The following LIPA variants were observed in gnomAD, a reference collection of about 807,000 sequenced individuals.
LIPA encodes lysosomal acid lipase/cholesteryl ester hydrolase.
A neutral mutation model predicts 40.6 loss-of-function variants in LIPA; 26 were observed. That is an observed-to-expected ratio of 0.64 (90% CI 0.47 to 0.89). LIPA has a LOEUF of 0.89. LIPA is among the 40% of genes least tolerant of loss of function. The probability of loss-of-function intolerance (pLI) is 0.00; values close to 1 mark genes in which losing one functional copy is unlikely to be tolerated. For missense variants in LIPA, 455 were observed against 479.6 expected (o/e 0.95, Z 0.48); for synonymous variants, 188 against 168.4 (o/e 1.12, Z -0.90).
At chr10:89,399,811 G>GT (rs746729874) in intron 2 of LIPA, among the ~76,000 whole-genome samples, 2 of 152,062 alleles carry the variant, frequency 1.3e-5, no homozygotes, top group African/African-American at 2.4e-5. Flanking sequence ...AAATAAAATC[G>GT]TAAGAGTGAG....
At chr10:89,401,453 A>C (rs1844422029) in intron 2 of LIPA, among the ~76,000 whole-genome samples, 1 of 152,108 alleles carries the variant, frequency 6.6e-6, no homozygotes, top group Admixed American at 6.6e-5. Context: ...AAAATTACAG[A>C]GATGAAGAAC....
intron 1 of LIPA, among the ~76,000 whole-genome samples, chr10:89,250,099 T>TTTC (rs1354756374): frequency 6.1e-4 from 56 of 91,434 alleles, no homozygotes; most frequent in South Asian, 3.4e-3. Flanking sequence ...TTTTCTTTTC[T>TTTC]TTTCTTTCTT....
chr10:89,364,087 A>G (rs1844042054), intron 2 of LIPA, among the ~76,000 whole-genome samples: 1 of 152,204 alleles, frequency 6.6e-6, no homozygotes, highest in South Asian at 2.1e-4. Flanking sequence ...CGCTGCTTTC[A>G]AAAAGGCATG....
intron 1 of LIPA, among the ~76,000 whole-genome samples, chr10:89,330,828 C>G (rs980991002): frequency 8.5e-5 from 13 of 152,204 alleles, no homozygotes; most frequent in African/African-American, 3.1e-4. Context: ...TAAAATACCT[C>G]TATGACAGCA....
At chr10:89,369,269 C>T (rs1844079050) in intron 2 of LIPA, among the ~76,000 whole-genome samples, 1 of 152,176 alleles carries the variant, frequency 6.6e-6, no homozygotes, top group African/African-American at 2.4e-5. Flanking sequence ...CTCTTAAGTG[C>T]CCTTCCAACT....
chr10:89,377,802 G>A (rs1008600206), intron 2 of LIPA, among the ~76,000 whole-genome samples: 2 of 152,126 alleles, frequency 1.3e-5, no homozygotes, highest in Non-Finnish European at 2.9e-5. Context: ...AACACTGAAT[G>A]TCATCATAAA....
intron 1 of LIPA, among the ~76,000 whole-genome samples, chr10:89,268,684 A>G (rs1843249624): frequency 6.6e-6 from 1 of 152,222 alleles, no homozygotes; most frequent in African/African-American, 2.4e-5. Flanking sequence ...CTGGAGTTAC[A>G]ATGATTTACT....
At chr10:89,392,431 A>T in intron 2 of LIPA, 1 of 451,610 alleles carries the variant, frequency 2.2e-6, no homozygotes. Context: ...GCAGGTCTGC[A>T]GTTTATCTGT....
intron 3 of LIPA, among the ~76,000 whole-genome samples, chr10:89,237,480 C>CAATA (rs1842919529): frequency 2.0e-5 from 3 of 151,888 alleles, no homozygotes; most frequent in Admixed American, 2.0e-4. Flanking sequence ...ATATATCCCA[C>CAATA]AAAGGACGTT....
intron 2 of LIPA, chr10:89,404,110 A>G (rs920560672): frequency 6.3e-6 from 1 of 157,786 alleles, no homozygotes; most frequent in African/African-American, 2.4e-5. Context: ...CCCAACCATG[A>G]CAAGATGAGA....
chr10:89,339,258 GCTGAGTCCTGATAA>G, intron 1 of LIPA: 1 of 1,614,244 alleles, frequency 6.2e-7, no homozygotes, highest in Admixed American at 1.7e-5. Context: ...AGGCCATTGA[GCTGAGTCCTGATAA>G]CCAATACGTC....
intron 2 of LIPA, among the ~76,000 whole-genome samples, chr10:89,378,555 G>A (rs1844139233): frequency 6.6e-6 from 1 of 152,196 alleles, no homozygotes; most frequent in South Asian, 2.1e-4. Flanking sequence ...CACAGTGGGA[G>A]CTTAGGAATT....
chr10:89,226,833 G>T, intron 5 of LIPA, 62 bp downstream of exon 5: 1 of 995,994 alleles, frequency 1.0e-6, no homozygotes, highest in Admixed American at 1.8e-5. Flanking sequence ...TCACTTTTAA[G>T]AAAAGTACAA....
intron 6 of LIPA, among the ~76,000 whole-genome samples, chr10:89,224,419 A>T (rs1335843862): frequency 6.6e-6 from 1 of 152,232 alleles, no homozygotes; most frequent in Non-Finnish European, 1.5e-5. Flanking sequence ...AAGTCTTCTA[A>T]ATGGCCCATG....
chr10:89,321,761 C>T (rs557755841), intron 1 of LIPA, among the ~76,000 whole-genome samples: 27 of 152,286 alleles, frequency 1.8e-4, no homozygotes, highest in Non-Finnish European at 2.9e-5. Context: ...TATAAAGACA[C>T]ATGTACACGT....
At chr10:89,312,875 G>A (rs1052206476) in intron 1 of LIPA, among the ~76,000 whole-genome samples, 14 of 151,978 alleles carry the variant, frequency 9.2e-5, no homozygotes, top group Non-Finnish European at 1.8e-4. Context: ...TCCAGAGAAA[G>A]CAGGGGCTTA....
intron 1 of LIPA, among the ~76,000 whole-genome samples, chr10:89,334,942 A>G (rs1309686298): frequency 6.6e-6 from 1 of 152,246 alleles, no homozygotes; most frequent in Non-Finnish European, 1.5e-5. Flanking sequence ...GAGATAAATT[A>G]TTAAGTGAGG....
chr10:89,286,761 C>T (rs1307157030), intron 1 of LIPA, among the ~76,000 whole-genome samples: 1 of 152,192 alleles, frequency 6.6e-6, no homozygotes, highest in Non-Finnish European at 1.5e-5. Flanking sequence ...GGCCCTCAAA[C>T]CCCACAATAG....
rs1018503443 is a variant in LIPA at position 89,371,021 on chromosome 10, A to C, written c.61+41770T>G. Among the ~76,000 whole-genome samples, 16 of 152,160 alleles carry C rather than the reference A, an allele frequency of 1.1e-4. 1 individual carries two copies. Among genetic ancestry groups the C allele is most frequent in the African/African-American group, 1.9e-4 (8 of 41,446 alleles). ...TGACAGAGTGAGACTCTGTCTCAAAAAAACAAACAAACAAACAAAAAATTT... is the reference window on the plus strand; with the variant it reads ...TGACAGAGTGAGACTCTGTCTCAAACAAACAAACAAACAAACAAAAAATTT... On this transcript the variant is annotated intron_variant, in intron 2 of 8. Coordinates refer to the LIPA transcript ENST00000371837.
Sources: allele counts gnomAD v4.1 joint callset (sites outside exome capture counted in the v4.1 genomes callset), GRCh38; gene constraint gnomAD v4.1.1; transcripts MANE v1.5; gene names NCBI Gene and HGNC (gene_info 2026-07-23, HGNC 2026-07-21).